Variants in LHFPL3 observed in about 807,000 individuals in gnomAD.
LHFPL3 encodes LHFPL tetraspan subfamily member 3.
LHFPL3 carries 5 observed loss-of-function variants against 19.3 expected under a neutral mutation model. The observed-to-expected ratio is 0.26, with a 90% CI of 0.14 to 0.54. LHFPL3 has a LOEUF of 0.54. Ranked by LOEUF, LHFPL3 falls within the 20% of genes least tolerant of loss-of-function variation. LHFPL3 has a pLI of 0.94. For missense variants in LHFPL3, 249 were observed against 307.4 expected (o/e 0.81, Z 1.42); for synonymous variants, 133 against 126.2 (o/e 1.05, Z -0.36).
intron 1 of LHFPL3, among the ~76,000 whole-genome samples, chr7:104,385,273 G>A (rs1434173777): frequency 1.3e-5 from 2 of 152,152 alleles, no homozygotes; most frequent in African/African-American, 2.4e-5. Context: ...CTTCTCAAAA[G>A]GATTTGTCTT....
chr7:104,338,695 T>C (rs1476173400), intron 1 of LHFPL3, among the ~76,000 whole-genome samples: 1 of 152,194 alleles, frequency 6.6e-6, no homozygotes, highest in African/African-American at 2.4e-5. Context: ...CTCACCTCCA[T>C]TTATGACTTT....
chr7:104,456,958 A>G (rs1320888095), intron 1 of LHFPL3, among the ~76,000 whole-genome samples: 1 of 152,190 alleles, frequency 6.6e-6, no homozygotes, highest in Non-Finnish European at 1.5e-5. Context: ...AACTGAAACC[A>G]CAGAAAACAA....
intron 1 of LHFPL3, among the ~76,000 whole-genome samples, chr7:104,455,028 G>C: frequency 6.6e-6 from 1 of 152,200 alleles, no homozygotes; most frequent in South Asian, 2.1e-4. Flanking sequence ...CCTCCTTATT[G>C]TGCCTGTCAT....
At chr7:104,777,844 G>T in intron 2 of LHFPL3, among the ~76,000 whole-genome samples, 1 of 151,940 alleles carries the variant, frequency 6.6e-6, no homozygotes, top group East Asian at 1.9e-4. Context: ...GTCCTTTTGA[G>T]AAATTCCTCC....
intron 1 of LHFPL3, among the ~76,000 whole-genome samples, chr7:104,459,421 G>A (rs144112621): frequency 1.1e-4 from 16 of 152,312 alleles, no homozygotes; most frequent in African/African-American, 3.6e-4. Context: ...CTTCTTCAGA[G>A]GAGTCAAGAT....
At chr7:104,545,294 C>G (rs1028048369) in intron 1 of LHFPL3, among the ~76,000 whole-genome samples, 6 of 152,190 alleles carry the variant, frequency 3.9e-5, no homozygotes, top group Admixed American at 6.5e-5. Flanking sequence ...CAGCCCAGCA[C>G]AGCTTCCTGG....
intron 1 of LHFPL3, among the ~76,000 whole-genome samples, chr7:104,509,990 A>C (rs1387644319): frequency 6.6e-6 from 1 of 152,136 alleles, no homozygotes; most frequent in Non-Finnish European, 1.5e-5. Context: ...ATTTATAATG[A>C]CTAAATAGAA....
chr7:104,446,214 T>A (rs923479601), intron 1 of LHFPL3, among the ~76,000 whole-genome samples: 2 of 152,218 alleles, frequency 1.3e-5, no homozygotes, highest in African/African-American at 4.8e-5. Flanking sequence ...CAATTCTGTT[T>A]GTATTTTCTG....
chr7:104,810,281 A>C (rs1424430896), intron 2 of LHFPL3, among the ~76,000 whole-genome samples: 2 of 152,136 alleles, frequency 1.3e-5, no homozygotes, highest in African/African-American at 2.4e-5. Context: ...CATTGCAGGG[A>C]TTTAGGCAGG....
intron 2 of LHFPL3, among the ~76,000 whole-genome samples, chr7:104,759,170 T>C (rs17141284): frequency 0.15 from 22,440 of 152,156 alleles, 2,486 homozygotes; most frequent in East Asian, 0.62. Context: ...CTGACTTTTT[T>C]GAATGTCTGA....
chr7:104,819,157 G>C (rs1790627228), intron 2 of LHFPL3, among the ~76,000 whole-genome samples: 1 of 151,906 alleles, frequency 6.6e-6, no homozygotes, highest in Non-Finnish European at 1.5e-5. Context: ...CTTCCATCTT[G>C]ATCCTGCTTT....
chr7:104,636,309 A>G (rs1259460547), intron 1 of LHFPL3, among the ~76,000 whole-genome samples: 1 of 152,200 alleles, frequency 6.6e-6, no homozygotes, highest in African/African-American at 2.4e-5. Flanking sequence ...CAGCTCAAAG[A>G]GTTGAATGGT....
At chr7:104,461,059 AG>A (rs1792652743) in intron 1 of LHFPL3, among the ~76,000 whole-genome samples, 1 of 152,194 alleles carries the variant, frequency 6.6e-6, no homozygotes, top group Non-Finnish European at 1.5e-5. Context: ...ATAAAGAAAG[AG>A]GTTTAATTGA....
chr7:104,378,821 C>CT (rs1219426558), intron 1 of LHFPL3, among the ~76,000 whole-genome samples: 1 of 152,120 alleles, frequency 6.6e-6, no homozygotes, highest in Non-Finnish European at 1.5e-5. Context: ...CTTTTCAACT[C>CT]TTTTGTAAGA....
At chr7:104,533,002 A>G (rs1794331141) in intron 1 of LHFPL3, among the ~76,000 whole-genome samples, 1 of 152,214 alleles carries the variant, frequency 6.6e-6, no homozygotes, top group Admixed American at 6.5e-5. Context: ...GAATTCTTCC[A>G]AGGGAACTAT....
intron 1 of LHFPL3, among the ~76,000 whole-genome samples, chr7:104,611,070 A>T (rs750086693): frequency 2.6e-5 from 4 of 152,212 alleles, no homozygotes. Context: ...CATCTCTCAG[A>T]TGTTTGAACC....
intron 1 of LHFPL3, among the ~76,000 whole-genome samples, chr7:104,517,735 T>C (rs1486457881): frequency 6.6e-6 from 1 of 152,158 alleles, no homozygotes; most frequent in Non-Finnish European, 1.5e-5. Flanking sequence ...CTTAAACTCC[T>C]GACCTCAGGT....
At chr7:104,503,398 T>C (rs182687902) in intron 1 of LHFPL3, among the ~76,000 whole-genome samples, 260 of 152,284 alleles carry the variant, frequency 1.7e-3, no homozygotes, top group Non-Finnish European at 3.0e-3. Context: ...TATATTTTTC[T>C]TTCTGCTCAC....
intron 2 of LHFPL3, among the ~76,000 whole-genome samples, chr7:104,817,498 T>A (rs1790577717): frequency 6.6e-6 from 1 of 152,210 alleles, no homozygotes. Flanking sequence ...GCATTCATCC[T>A]TTTGCAAGTC....
Sources: gnomAD v4.1 joint callset for allele counts (sites outside exome capture counted in the v4.1 genomes callset) on GRCh38, gnomAD v4.1.1 for gene constraint, MANE v1.5 for transcripts, NCBI Gene and HGNC (gene_info 2026-07-23, HGNC 2026-07-21) for gene names.